PTGER3: variants seen among roughly 807,000 people sequenced by gnomAD.
PTGER3 encodes the protein prostaglandin E2 receptor EP3 subtype.
A neutral mutation model predicts 34.7 loss-of-function variants in PTGER3; 22 were observed. That is an observed-to-expected ratio of 0.63 (90% CI 0.45 to 0.91). The LOEUF is 0.91. Ranked by LOEUF, PTGER3 falls within the 40% of genes least tolerant of loss-of-function variation. PTGER3 has a pLI of 0.00. For synonymous variants in PTGER3, 241 were observed against 230.1 expected (o/e 1.05, Z -0.43); for missense variants, 468 against 519.4 (o/e 0.90, Z 0.96).
chr1:70,935,672 A>AATATAT (rs10577850), intron 4 of PTGER3, among the ~76,000 whole-genome samples: 2,106 of 140,190 alleles, frequency 0.015, 30 homozygotes, highest in Middle Eastern at 0.049. Context: ...TACAAATATA[A>AATATAT]ATATATATAT....
intron 1 of PTGER3, among the ~76,000 whole-genome samples, chr1:71,026,344 T>C (rs7531741): frequency 0.092 from 13,956 of 152,196 alleles, 800 homozygotes; most frequent in African/African-American, 0.15. Flanking sequence ...AACACATAGG[T>C]GGCAGCTGAA....
Position 70,965,415 on chromosome 1 carries a change from G to A in PTGER3, c.1078-11626C>T, listed in dbSNP as rs953736298. On this transcript the variant is annotated intron_variant, in intron 2 of 3. Coordinates refer to the PTGER3 transcript ENST00000356595. ...GGGAAATGATGGAGACCTAGATGTA[G>A]ACCATGCCAGCAAAGACGGAGGGGC... is the stretch of plus-strand genomic sequence containing the variant. Among the ~76,000 whole-genome samples, 3 of 152,114 alleles carry A rather than the reference G, an allele frequency of 2.0e-5. No individual in the cohort carries two copies. The East Asian group carries it at 5.8e-4, about 29-fold the overall frequency.
chr1:70,878,645 TC>T (rs1646322753), intron 4 of PTGER3, among the ~76,000 whole-genome samples: 1 of 152,194 alleles, frequency 6.6e-6, no homozygotes. Flanking sequence ...CTTAGCTATG[TC>T]CCAGAGATTC....
intron 2 of PTGER3, chr1:71,008,575 A>C (rs758727277): frequency 2.0e-6 from 2 of 982,246 alleles, no homozygotes; most frequent in Non-Finnish European, 1.2e-6. Flanking sequence ...TTGGTTATTA[A>C]ATTTTGTAAA....
chr1:70,884,902 C>A (rs1280581778), intron 4 of PTGER3, among the ~76,000 whole-genome samples: 1 of 152,212 alleles, frequency 6.6e-6, no homozygotes, highest in East Asian at 1.9e-4. Flanking sequence ...CATCACGTTC[C>A]TAGATTATTG....
chr1:70,993,577 G>T (rs562438342), intron 2 of PTGER3, among the ~76,000 whole-genome samples: 41 of 151,774 alleles, frequency 2.7e-4, no homozygotes, highest in Middle Eastern at 3.4e-3. Flanking sequence ...ATAACAAAAA[G>T]CTCTGTAGTC....
chr1:70,991,495 G>C (rs1655476508), intron 2 of PTGER3, among the ~76,000 whole-genome samples: 1 of 152,158 alleles, frequency 6.6e-6, no homozygotes. Flanking sequence ...AGGGAGGGAA[G>C]GTTTCTAGGG....
At chr1:71,008,796 T>C in intron 2 of PTGER3, 1 of 952,482 alleles carries the variant, frequency 1.0e-6, no homozygotes, top group Non-Finnish European at 1.2e-6. Context: ...TTGTTGATGG[T>C]TTGTACTTGT....
chr1:71,022,748 CAT>C (rs1471732464), intron 1 of PTGER3, among the ~76,000 whole-genome samples: 1 of 148,184 alleles, frequency 6.7e-6, no homozygotes, highest in African/African-American at 2.5e-5. Flanking sequence ...CACACACACA[CAT>C]ACACACACAA....
At chr1:71,016,049 C>T (rs978960167) in intron 1 of PTGER3, among the ~76,000 whole-genome samples, 2 of 152,190 alleles carry the variant, frequency 1.3e-5, no homozygotes, top group African/African-American at 4.8e-5. Context: ...CCTCCTGCCT[C>T]AGCCTCCCGA....
At chr1:70,956,896 G>A (rs1572754957) in intron 2 of PTGER3, among the ~76,000 whole-genome samples, 1 of 152,262 alleles carries the variant, frequency 6.6e-6, no homozygotes, top group East Asian at 1.9e-4. Context: ...TTGGGAGGTT[G>A]AGGCAGGAGA....
chr1:70,930,903 T>C (rs532055030), intron 4 of PTGER3, among the ~76,000 whole-genome samples: 2 of 152,216 alleles, frequency 1.3e-5, no homozygotes, highest in South Asian at 4.1e-4. Context: ...CAATCATGCC[T>C]TCCCAACAGT....
At chr1:70,951,242 A>G (rs1650734633), downstream of PTGER3, 1 of 152,204 alleles carries the variant, frequency 6.6e-6, no homozygotes, top group South Asian at 2.1e-4. Flanking sequence ...GAAAATAACA[A>G]TAAAGCATTA....
intron 4 of PTGER3, among the ~76,000 whole-genome samples, chr1:70,879,678 G>C (rs1646346788): frequency 6.6e-6 from 1 of 152,004 alleles, no homozygotes; most frequent in African/African-American, 2.4e-5. Context: ...TGAATCTATG[G>C]GTGTCATTGT....
At chr1:71,009,325 T>C (rs1160228420) in intron 2 of PTGER3, 1 of 982,590 alleles carries the variant, frequency 1.0e-6, no homozygotes, top group Admixed American at 6.2e-5. Flanking sequence ...TAAAGAAATG[T>C]AAGTAGAAAT....
At chr1:70,990,480 A>G (rs577080099) in intron 2 of PTGER3, among the ~76,000 whole-genome samples, 1 of 150,026 alleles carries the variant, frequency 6.7e-6, no homozygotes, top group South Asian at 2.1e-4. Flanking sequence ...ATATACACAT[A>G]TATGCATTTT....
chr1:70,959,387 G>C (rs1195680917), intron 2 of PTGER3, among the ~76,000 whole-genome samples: 1 of 144,606 alleles, frequency 6.9e-6, no homozygotes, highest in Non-Finnish European at 1.5e-5. Context: ...GTCTCACTCT[G>C]TTGCCCAGGC....
In PTGER3 at chr1:70,941,511, T is replaced by A. The variant is rs1649758528; in HGVS notation, c.*23+12252A>T. ...TATTTTTTCAGCCCCTGAAAATATGTCTTATGTGTATGACTTACTGGCACC... is the reference window on the plus strand; with the variant it reads ...TATTTTTTCAGCCCCTGAAAATATGACTTATGTGTATGACTTACTGGCACC... On this transcript the variant is annotated intron_variant, in intron 4 of 4. Transcript: ENST00000370931. Among the ~76,000 whole-genome samples, 3 of 152,158 alleles carry A rather than the reference T, an allele frequency of 2.0e-5. No homozygotes were observed. In the South Asian group the frequency reaches 6.2e-4, roughly 31 times the overall value.
chr1:70,959,867 A>G (rs983707314), intron 2 of PTGER3, among the ~76,000 whole-genome samples: 3 of 151,962 alleles, frequency 2.0e-5, no homozygotes, highest in Non-Finnish European at 4.4e-5. Flanking sequence ...CCCCCTTTCA[A>G]ATTCATATAT....
Sources: gnomAD v4.1 joint callset for allele counts (sites outside exome capture counted in the v4.1 genomes callset) on GRCh38, gnomAD v4.1.1 for gene constraint, MANE v1.5 for transcripts, NCBI Gene and HGNC (gene_info 2026-07-23, HGNC 2026-07-21) for gene names.